SLC1A4: variants seen among roughly 807,000 people sequenced by gnomAD.
SLC1A4 encodes the protein solute carrier family 1 member 4.
In SLC1A4, 19 loss-of-function variants were observed where a neutral mutation model predicts 37.7. The observed-to-expected ratio is 0.50, with a 90% CI of 0.35 to 0.74. The LOEUF (loss-of-function observed/expected upper bound fraction) is 0.74. Ranked by LOEUF, SLC1A4 falls within the 30% of genes least tolerant of loss-of-function variation. The pLI is 0.01. For missense variants in SLC1A4, 570 were observed against 712.9 expected (o/e 0.80, Z 2.28); for synonymous variants, 299 against 309.8 (o/e 0.97, Z 0.37).
upstream of SLC1A4, among the ~76,000 whole-genome samples, chr2:64,988,940 C>T (rs1313305721): frequency 6.6e-6 from 1 of 152,018 alleles, no homozygotes; most frequent in Non-Finnish European, 1.5e-5. Context: ...TTCTCCCCTC[C>T]CCTCCCTCCC....
rs546540801 is a variant in SLC1A4, at chr2:65,000,303, T to A, written c.528-1145T>A. The A allele has an allele frequency of 2.6e-5, 4 of 152,342 alleles. No individual in the cohort carries two copies. The South Asian group carries it at 8.3e-4, about 32-fold the overall frequency. 9.4% of individuals were successfully genotyped at this position (152,342 alleles called of 1,614,324 possible). ...CATCAGCTCGATTGCCCTACTTTTA[T>A]AACAAATGTTTATAATATCCTTAAT... On this transcript the variant is annotated intron_variant, in intron 1 of 7. Coordinates refer to ENST00000234256, the MANE Select transcript of SLC1A4 (RefSeq NM_003038.5).
intron 4 of SLC1A4, among the ~76,000 whole-genome samples, chr2:65,015,124 T>A (rs1462841115): frequency 1.3e-5 from 2 of 152,184 alleles, no homozygotes; most frequent in Admixed American, 6.5e-5. Flanking sequence ...CCTAGAATAG[T>A]CAAATTCAGA....
intron 3 of SLC1A4, among the ~76,000 whole-genome samples, chr2:65,010,335 T>G (rs1673865427): frequency 6.6e-6 from 1 of 152,226 alleles, no homozygotes; most frequent in African/African-American, 2.4e-5. Flanking sequence ...GCCCACTACC[T>G]TCCACTTTAA....
intron 3 of SLC1A4, among the ~76,000 whole-genome samples, chr2:65,010,051 C>G (rs1673855563): frequency 6.6e-6 from 1 of 152,108 alleles, no homozygotes; most frequent in African/African-American, 2.4e-5. Flanking sequence ...CCTGCCTCAG[C>G]CTCCCAAGTA....
chr2:65,020,512 C>A (rs1285363500), intron 7 of SLC1A4, among the ~76,000 whole-genome samples: 1 of 152,150 alleles, frequency 6.6e-6, no homozygotes, highest in African/African-American at 2.4e-5. Context: ...AACAGTCCTC[C>A]CACCTCAGCC....
Position 64,989,652 on chromosome 2 carries a change from G to A in SLC1A4, c.9G>A (p.Lys3=), listed in dbSNP as rs757947373. 1 of 1,532,028 alleles carries A rather than the reference G, an allele frequency of 6.5e-7. No individual in the cohort carries two copies. The highest frequency in any genetic ancestry group is 2.7e-5 in the East Asian group (1 of 37,118). The allele number at this position is 1,532,028 out of a possible 1,614,324, so 94.9% of individuals were successfully genotyped here. ...GAGCGGCGTGTAGCGCCATGGAGAA[G>A]AGCAACGAGACCAACGGCTACCTTG... ME[K]SNETNGYLDS... is the part of the protein sequence containing the mutation. Residue 3 remains lysine (K), a synonymous_variant, in exon 1 of 8, where the codon AAG becomes AAA. Coordinates refer to ENST00000234256, the MANE Select transcript of SLC1A4 (RefSeq NM_003038.5).
rs1328079052 is a variant in SLC1A4 at position 65,002,787 on chromosome 2, A to G, written c.571-1166A>G. Among the ~76,000 whole-genome samples the G allele has an allele frequency of 3.9e-5, 6 of 151,978 alleles. No individual in the cohort carries two copies. In the South Asian group the frequency reaches 8.3e-4, roughly 21 times the overall value. ...GAGATGGGGTTTCACCGTGTTAGCC[A>G]GGATGGTCTCGATCTCCTGACCTTG... On this transcript the variant is annotated intron_variant, in intron 2 of 7. Coordinates refer to ENST00000234256, the MANE Select transcript of SLC1A4 (RefSeq NM_003038.5).
rs1478074103 is a variant in SLC1A4 at position 65,021,136 on chromosome 2, C to T, written c.1589C>T (p.Ser530Leu). 4 of 1,613,618 alleles carry T rather than the reference C, an allele frequency of 2.5e-6. No homozygotes were observed. Among genetic ancestry groups the T allele is most frequent in the African/African-American group, 1.3e-5 (1 of 74,932 alleles). ...ASAPELESKE[S>L]VL is the part of the protein sequence containing the mutation. Reference sequence around the variant, plus strand: ...GCCCCAGAACTGGAATCCAAGGAGTCGGTTCTGTGATGGGGCTGGGCTTTG... The same window carrying T: ...GCCCCAGAACTGGAATCCAAGGAGTTGGTTCTGTGATGGGGCTGGGCTTTG... Residue 530 changes from serine (S) to leucine (L), a missense_variant, in exon 8 of 8, where the codon TCG becomes TTG. By Grantham distance (145) the Ser-to-Leu change is moderately radical. Coordinates refer to ENST00000234256, the MANE Select transcript of SLC1A4 (RefSeq NM_003038.5).
At position 65,021,251 on chromosome 2, in the gene SLC1A4, C is replaced by T. The variant is rs1427594480; in HGVS notation, c.*105C>T. 3.4e-6 allele frequency: 3 copies of T among 879,814 alleles called. No homozygotes were observed. Among genetic ancestry groups the T allele is most frequent in the African/African-American group, 3.4e-5 (2 of 59,298 alleles). The allele number at this position is 879,814 out of a possible 1,614,324, so 54.5% of individuals were successfully genotyped here. A position where few individuals can be genotyped will look rare whatever the true frequency, so the allele number is the denominator to read the frequency against. On this transcript the variant is annotated 3_prime_UTR_variant, in exon 8 of 8. Transcript: ENST00000234256. Reference sequence around the variant, plus strand: ...CTGCCCTTGCCAACTTTTACCCTCCCAAGCAATGCTTTGGCCCAGTCGCTG... The same window carrying T: ...CTGCCCTTGCCAACTTTTACCCTCCTAAGCAATGCTTTGGCCCAGTCGCTG...
intron 1 of SLC1A4, among the ~76,000 whole-genome samples, chr2:64,997,833 G>GGT: frequency 6.6e-6 from 1 of 151,858 alleles, no homozygotes; most frequent in East Asian, 1.9e-4. Flanking sequence ...CGGGCGTGGT[G>GGT]GCTCATGCCT....
chr2:65,008,401 A>T (rs532007527), intron 3 of SLC1A4, among the ~76,000 whole-genome samples: 207 of 152,250 alleles, frequency 1.4e-3, no homozygotes, highest in Admixed American at 3.0e-3. Context: ...ACTTTGAGAG[A>T]CTGAATTGGG....
intron 1 of SLC1A4, 146 bp downstream of exon 1, chr2:64,990,316 A>C: frequency 5.9e-5 from 49 of 828,866 alleles, no homozygotes; most frequent in Non-Finnish European, 7.8e-5. Context: ...AAATATCAAA[A>C]TGACGTCTGG....
chr2:65,008,260 C>T (rs1014238100), intron 3 of SLC1A4, among the ~76,000 whole-genome samples: 1 of 152,186 alleles, frequency 6.6e-6, no homozygotes, highest in African/African-American at 2.4e-5. Flanking sequence ...AATAAATCCC[C>T]CAAATCATCT....
Position 64,989,959 on chromosome 2 carries a change from G to T in SLC1A4, c.316G>T (p.Asp106Tyr). 6.3e-7 allele frequency: 1 copy of T among 1,577,480 alleles called. No homozygotes were observed. The highest frequency in any genetic ancestry group is 2.3e-5 in the East Asian group (1 of 42,932). ...CCTGGTGTCGGGCGCCGCCTCGCTCGATGCCAGCTGCCTCGGGCGTCTGGG... is the reference window on the plus strand; with the variant it reads ...CCTGGTGTCGGGCGCCGCCTCGCTCTATGCCAGCTGCCTCGGGCGTCTGGG... The part of the protein sequence containing the change: ...CSLVSGAASL[D>Y]ASCLGRLGGI... Residue 106 changes from aspartate to tyrosine, a missense_variant, in exon 1 of 8, where the codon GAT (aspartate) becomes TAT (tyrosine). Transcript: ENST00000234256.
intron 1 of SLC1A4, chr2:65,000,873 CACACTCCCCCCAATT>C (rs1357628040): frequency 1.3e-5 from 2 of 152,676 alleles, no homozygotes; most frequent in African/African-American, 4.8e-5. Context: ...TTTCTCCCTA[CACACTCCCCCCAATT>C]GGGGAATGCC....
chr2:65,013,106 A>C (rs776271527), intron 4 of SLC1A4, among the ~76,000 whole-genome samples: 18 of 152,218 alleles, frequency 1.2e-4, no homozygotes, highest in South Asian at 4.1e-4. Flanking sequence ...TGGCCAGAGC[A>C]GGAGGAAGAA....
chr2:65,018,049 G>A lies in SLC1A4; in HGVS notation c.1035-22G>A, dbSNP rs761434530. ...GCCTCGGACTGTTGTCATGTCTGGCGGTTTGTTTTTCCCATTTCTAGCTCA... is the reference window on the plus strand; with the variant it reads ...GCCTCGGACTGTTGTCATGTCTGGCAGTTTGTTTTTCCCATTTCTAGCTCA... On this transcript the variant is annotated intron_variant, in intron 5 of 7. Coordinates refer to ENST00000234256, the MANE Select transcript of SLC1A4 (RefSeq NM_003038.5). The surrounding 1 kb of genome is among the most constrained non-coding windows in gnomAD (Gnocchi z 4.3). The A allele has an allele frequency of 6.2e-6, 10 of 1,607,186 alleles. No homozygotes were observed. The highest frequency in any genetic ancestry group is 4.0e-5 in the African/African-American group (3 of 74,784).
chr2:65,016,717 C>A, intron 5 of SLC1A4, 44 bp downstream of exon 5: 1 of 1,354,448 alleles, frequency 7.4e-7, no homozygotes, highest in Non-Finnish European at 1.1e-6. Context: ...GCCATGTTAA[C>A]ATGGAACCAG....
Position 65,021,037 on chromosome 2 carries a change from T to A in SLC1A4, c.1490T>A (p.Ile497Asn). ...CTTGCTGAGGTGAAAGTGGAAGCCA[T>A]CCCCAACTGCAAGTCTGAGGAGGAG... is the stretch of plus-strand genomic sequence containing the variant. ...QELAEVKVEAIPNCKSEEETS... is the reference protein window; with the variant it reads ...QELAEVKVEANPNCKSEEETS... The change falls in exon 8 of 8, where the codon ATC (isoleucine) becomes AAC (asparagine). Residue 497 changes from isoleucine (I) to asparagine (N), a missense_variant. Coordinates refer to ENST00000234256, the MANE Select transcript of SLC1A4 (RefSeq NM_003038.5). 6.2e-7 allele frequency: 1 copy of A among 1,614,138 alleles called. No individual in the cohort carries two copies. The highest frequency in any genetic ancestry group is 8.5e-7 in the Non-Finnish European group (1 of 1,180,014).
Sources: allele counts gnomAD v4.1 joint callset (sites outside exome capture counted in the v4.1 genomes callset), GRCh38; gene constraint gnomAD v4.1.1; non-coding constraint Gnocchi (gnomAD v3.1); transcripts MANE v1.5; gene names NCBI Gene and HGNC (gene_info 2026-07-23, HGNC 2026-07-21).